Variants in UNC5D observed in about 807,000 individuals in gnomAD.
UNC5D encodes the protein netrin receptor UNC5D.
Under a neutral mutation model 105.4 loss-of-function variants are expected in UNC5D, and 39 were observed. That is an observed-to-expected ratio of 0.37 (90% CI 0.29 to 0.48). UNC5D has a LOEUF of 0.48. Among genes scored for constraint, UNC5D ranks in the 20% least tolerant of loss-of-function variants. The pLI, the probability that UNC5D is intolerant of heterozygous loss-of-function variation, is 0.98. For missense variants in UNC5D, 991 were observed against 1,202.4 expected, an observed-to-expected ratio of 0.82 and a Z score of 2.60; for synonymous variants, 452 against 450.4, an observed-to-expected ratio of 1.00 and a Z score of -0.04.
At chr8:35,635,811 G>T (rs1315521415) in intron 4 of UNC5D, among the ~76,000 whole-genome samples, 3 of 152,194 alleles carry the variant, frequency 2.0e-5, no homozygotes, top group African/African-American at 7.2e-5. Flanking sequence ...AAAGGGAAAA[G>T]AGTTACGTGT....
chr8:35,778,644 C>T (rs943020712), intron 16 of UNC5D, among the ~76,000 whole-genome samples: 5 of 152,134 alleles, frequency 3.3e-5, no homozygotes, highest in African/African-American at 7.2e-5. Context: ...ACTGCACTTT[C>T]GCCTGACTCT....
At chr8:35,553,372 G>A (rs1326384014) in intron 2 of UNC5D, among the ~76,000 whole-genome samples, 8 of 150,000 alleles carry the variant, frequency 5.3e-5, no homozygotes, top group African/African-American at 2.0e-4. Flanking sequence ...AAAAAAGAAA[G>A]CCAATAAAAG....
chr8:35,612,370 T>G (rs1246056822), intron 4 of UNC5D, among the ~76,000 whole-genome samples: 2 of 151,974 alleles, frequency 1.3e-5, no homozygotes, highest in East Asian at 1.9e-4. Flanking sequence ...TAAAGTATGC[T>G]GAAGTCATGC....
intron 1 of UNC5D, among the ~76,000 whole-genome samples, chr8:35,489,007 CA>C (rs1055728412): frequency 2.7e-5 from 4 of 150,822 alleles, no homozygotes; most frequent in African/African-American, 9.8e-5. Context: ...TATCTCCCCC[CA>C]ATTTTTTTTT....
chr8:35,661,280 C>T (rs1473321578), intron 4 of UNC5D, among the ~76,000 whole-genome samples: 6 of 151,972 alleles, frequency 3.9e-5, no homozygotes, highest in African/African-American at 1.5e-4. Flanking sequence ...ATGCATTGCC[C>T]ATTTCTAATG....
intron 11 of UNC5D, among the ~76,000 whole-genome samples, chr8:35,733,057 T>G (rs928664170): frequency 3.9e-4 from 59 of 151,566 alleles, no homozygotes; most frequent in African/African-American, 1.3e-3. Context: ...ACTTTAGATC[T>G]GTGAGGTATG....
At chr8:35,350,005 G>A (rs941244838) in intron 1 of UNC5D, among the ~76,000 whole-genome samples, 1 of 151,906 alleles carries the variant, frequency 6.6e-6, no homozygotes, top group African/African-American at 2.4e-5. Context: ...TCAGTGTAGT[G>A]AAAACAGCAC....
chr8:35,289,421 A>T (rs572510004), intron 1 of UNC5D, among the ~76,000 whole-genome samples: 18 of 152,348 alleles, frequency 1.2e-4, no homozygotes, highest in South Asian at 6.2e-4. Flanking sequence ...GGGGAATCTG[A>T]ACACCACACT....
chr8:35,623,215 CCCA>C (rs1821466480), intron 4 of UNC5D, among the ~76,000 whole-genome samples: 2 of 152,048 alleles, frequency 1.3e-5, no homozygotes, highest in African/African-American at 4.8e-5. Flanking sequence ...TCAGACCATT[CCCA>C]TACCAAGCCT....
intron 1 of UNC5D, among the ~76,000 whole-genome samples, chr8:35,309,341 A>C (rs1340073569): frequency 6.6e-6 from 1 of 152,112 alleles, no homozygotes; most frequent in Non-Finnish European, 1.5e-5. Context: ...GGTACAGGAG[A>C]GTTAAGCCCC....
chr8:35,441,557 T>C (rs1038644978), intron 1 of UNC5D, among the ~76,000 whole-genome samples: 1 of 151,868 alleles, frequency 6.6e-6, no homozygotes, highest in Non-Finnish European at 1.5e-5. Flanking sequence ...CCTTGAATTG[T>C]GAACTTTTTA....
chr8:35,480,972 G>T (rs1810446292), intron 1 of UNC5D, among the ~76,000 whole-genome samples: 1 of 152,174 alleles, frequency 6.6e-6, no homozygotes, highest in Non-Finnish European at 1.5e-5. Context: ...GAAATGCCAA[G>T]TGGAGGTGCA....
intron 4 of UNC5D, among the ~76,000 whole-genome samples, chr8:35,639,350 A>G (rs1449126622): frequency 6.6e-6 from 1 of 152,222 alleles, no homozygotes; most frequent in Admixed American, 6.5e-5. Flanking sequence ...TTGGTATAAA[A>G]ATTGCCTTCA....
intron 1 of UNC5D, among the ~76,000 whole-genome samples, chr8:35,424,840 T>C (rs1220345122): frequency 2.6e-5 from 4 of 152,378 alleles, no homozygotes; most frequent in African/African-American, 4.8e-5. Flanking sequence ...AACGTATTTA[T>C]AGCAATGAGG....
intron 1 of UNC5D, among the ~76,000 whole-genome samples, chr8:35,248,640 TAA>T (rs1443912510): frequency 1.0e-5 from 1 of 98,960 alleles, no homozygotes; most frequent in Non-Finnish European, 1.8e-5. Flanking sequence ...ATGTTATATA[TAA>T]TATATATATT....
intron 15 of UNC5D, among the ~76,000 whole-genome samples, chr8:35,768,005 T>C (rs1442161863): frequency 1.3e-5 from 2 of 150,150 alleles, no homozygotes; most frequent in South Asian, 4.2e-4. Context: ...AAAATAAATA[T>C]ATATATACAT....
intron 1 of UNC5D, among the ~76,000 whole-genome samples, chr8:35,409,135 G>A (rs964124465): frequency 2.0e-5 from 3 of 151,976 alleles, no homozygotes; most frequent in Non-Finnish European, 4.4e-5. Context: ...TCCATTGTCT[G>A]GATGTATAAC....
intron 3 of UNC5D, among the ~76,000 whole-genome samples, chr8:35,581,534 G>C (rs1220886854): frequency 6.6e-6 from 1 of 152,140 alleles, no homozygotes; most frequent in African/African-American, 2.4e-5. Context: ...ATAAGATTTA[G>C]TATTTGATAG....
At chr8:35,242,602 C>T (rs1235087923) in intron 1 of UNC5D, among the ~76,000 whole-genome samples, 5 of 152,082 alleles carry the variant, frequency 3.3e-5, no homozygotes, top group African/African-American at 7.2e-5. Flanking sequence ...CTCAGCCTCC[C>T]GAGTAGCTGG....
Sources: allele counts gnomAD v4.1 joint callset (sites outside exome capture counted in the v4.1 genomes callset), GRCh38; gene constraint gnomAD v4.1.1; transcripts MANE v1.5; gene names NCBI Gene and HGNC (gene_info 2026-07-23, HGNC 2026-07-21).